The following ARHGAP20 variants were observed in gnomAD, a reference collection of about 807,000 sequenced individuals.
ARHGAP20 encodes the protein rho GTPase-activating protein 20.
A neutral mutation model predicts 73.7 loss-of-function variants in ARHGAP20; 34 were observed. The observed-to-expected ratio is 0.46, with a 90% CI of 0.35 to 0.61. The LOEUF (loss-of-function observed/expected upper bound fraction) is 0.61. ARHGAP20 is among the 20% of genes least tolerant of loss of function. ARHGAP20 has a pLI of 0.00. For synonymous variants in ARHGAP20, 523 were observed against 518.2 expected (o/e 1.01, Z -0.13); for missense variants, 1,314 against 1,420.9 (o/e 0.92, Z 1.21).
intron 1 of ARHGAP20, among the ~76,000 whole-genome samples, chr11:110,709,148 A>G (rs1308934548): frequency 6.6e-6 from 1 of 152,178 alleles, no homozygotes; most frequent in African/African-American, 2.4e-5. Flanking sequence ...TTCATTGTCT[A>G]TGGCTGCTTT....
At chr11:110,655,135 A>T (rs751605418) in intron 2 of ARHGAP20, among the ~76,000 whole-genome samples, 1 of 152,172 alleles carries the variant, frequency 6.6e-6, no homozygotes, top group Non-Finnish European at 1.5e-5. Flanking sequence ...GAAAACATAA[A>T]GGGGATTGGG....
At chr11:110,692,183 G>C (rs764995787) in intron 1 of ARHGAP20, among the ~76,000 whole-genome samples, 1 of 152,068 alleles carries the variant, frequency 6.6e-6, no homozygotes, top group East Asian at 1.9e-4. Flanking sequence ...CCTTAGGCTA[G>C]TGTGACTGCA....
intron 2 of ARHGAP20, among the ~76,000 whole-genome samples, chr11:110,685,039 A>AC (rs1313217545): frequency 6.6e-6 from 1 of 152,020 alleles, no homozygotes; most frequent in Non-Finnish European, 1.5e-5. Context: ...ACGCACATGT[A>AC]CCCCCCTGAA....
At chr11:110,641,871 G>C (rs1272359827) in intron 2 of ARHGAP20, among the ~76,000 whole-genome samples, 1 of 152,008 alleles carries the variant, frequency 6.6e-6, no homozygotes, top group African/African-American at 2.4e-5. Flanking sequence ...TATCCACTAA[G>C]TAAAATTCGT....
chr11:110,592,082 G>C lies in ARHGAP20; in HGVS notation c.1038C>G (p.His346Gln), dbSNP rs1565426565. The C allele has an allele frequency of 6.2e-7, 1 of 1,614,036 alleles. No individual in the cohort carries two copies. The highest frequency in any genetic ancestry group is 1.3e-5 in the African/African-American group (1 of 74,928). Residue 346 changes from histidine (H) to glutamine (Q), a missense_variant, in exon 10 of 15, where the codon CAC becomes CAG. Around this residue, in one of 3 missense-constraint regions of ARHGAP20, gnomAD observed 443 missense variants for 466.4 expected, o/e 0.95. Transcript: ENST00000683387. ...TTGGCGATGAGGGCAAGTTGTCCAG[G>C]TGAGTGCTAGAACCTCGCCAGAAGG... is the stretch of plus-strand genomic sequence containing the variant. ...NWAFWRGSST[H>Q]LDNLPSSPTS...
rs368151143 is a variant in ARHGAP20 at position 110,654,476 on chromosome 11, T to G, written c.189-23684A>C. The stretch of plus-strand genomic sequence containing the variant: ...ATTTTACTTAAAGTCTTTAAAATTT[T>G]AGTAATAATGAAATACTTATAAGTA... On this transcript the variant is annotated intron_variant, in intron 2 of 14. Transcript: ENST00000683387. Among the ~76,000 whole-genome samples the G allele has an allele frequency of 2.0e-5, 3 of 152,348 alleles. No homozygotes were observed. The South Asian group carries it at 6.2e-4, about 32-fold the overall frequency.
At chr11:110,674,345 G>A (rs565289222) in intron 2 of ARHGAP20, among the ~76,000 whole-genome samples, 8 of 152,248 alleles carry the variant, frequency 5.3e-5, no homozygotes, top group African/African-American at 1.2e-4. Flanking sequence ...TAAGCACTCC[G>A]TTTAAATTAA....
intron 2 of ARHGAP20, among the ~76,000 whole-genome samples, chr11:110,644,597 T>C (rs368299750): frequency 6.6e-6 from 1 of 152,116 alleles, no homozygotes; most frequent in Non-Finnish European, 1.5e-5. Context: ...TGGCTATCCA[T>C]ATGTAGAATA....
intron 2 of ARHGAP20, among the ~76,000 whole-genome samples, chr11:110,690,179 T>C (rs915945314): frequency 1.3e-5 from 2 of 152,186 alleles, no homozygotes; most frequent in African/African-American, 2.4e-5. Flanking sequence ...AACTGCCTTA[T>C]CCATGCACAG....
At chr11:110,705,557 T>A (rs1443808308) in intron 1 of ARHGAP20, among the ~76,000 whole-genome samples, 1 of 152,168 alleles carries the variant, frequency 6.6e-6, no homozygotes, top group Non-Finnish European at 1.5e-5. Flanking sequence ...ATCCTTAACT[T>A]TTATTTTATA....
intron 2 of ARHGAP20, among the ~76,000 whole-genome samples, chr11:110,649,574 T>C (rs1471704517): frequency 1.3e-5 from 2 of 151,886 alleles, no homozygotes; most frequent in Non-Finnish European, 2.9e-5. Context: ...GGCGGTGAGC[T>C]GGGAAGAAGT....
chr11:110,625,026 A>T (rs12295024), intron 3 of ARHGAP20, among the ~76,000 whole-genome samples: 161 of 112,522 alleles, frequency 1.4e-3, no homozygotes, highest in African/African-American at 3.8e-3. Context: ...TTTTATTTTT[A>T]TTTTTATTTT....
At chr11:110,648,223 A>AAATATATATATG (rs1565457508) in intron 2 of ARHGAP20, among the ~76,000 whole-genome samples, 81 of 38,478 alleles carry the variant, frequency 2.1e-3, no homozygotes, top group African/African-American at 4.2e-3. Flanking sequence ...ATATATATGT[A>AAATATATATATG]TATATATATA....
chr11:110,647,748 T>C (rs914631180), intron 2 of ARHGAP20, among the ~76,000 whole-genome samples: 4 of 152,076 alleles, frequency 2.6e-5, no homozygotes, highest in Non-Finnish European at 4.4e-5. Flanking sequence ...TAGAGCTATT[T>C]GCAAAGCTCT....
Position 110,577,878 on chromosome 11 carries a change from A to C in ARHGAP20, c.*1492T>G. 2 of 985,780 alleles carry C rather than the reference A, an allele frequency of 2.0e-6. No homozygotes were observed. The highest frequency in any genetic ancestry group is 2.4e-6 in the Non-Finnish European group (2 of 829,840). 61.1% of individuals were successfully genotyped at this position (985,780 alleles called of 1,614,324 possible). A position where few individuals can be genotyped will look rare whatever the true frequency, so the allele number is the denominator to read the frequency against. Reference sequence around the variant, plus strand: ...ACTGAAAATGCAACCTTTAGAACAAAAAAGAAAGAACATTTGATATGACCA... The same window carrying C: ...ACTGAAAATGCAACCTTTAGAACAACAAAGAAAGAACATTTGATATGACCA... On this transcript the variant is annotated 3_prime_UTR_variant, in exon 15 of 15. Transcript: ENST00000683387.
intron 1 of ARHGAP20, among the ~76,000 whole-genome samples, chr11:110,708,623 A>G (rs1950592219): frequency 6.6e-6 from 1 of 152,192 alleles, no homozygotes; most frequent in African/African-American, 2.4e-5. Context: ...GAAACAAGCC[A>G]GACAAAAAAA....
intron 6 of ARHGAP20, among the ~76,000 whole-genome samples, chr11:110,614,334 T>C (rs933655489): frequency 6.6e-6 from 1 of 152,228 alleles, no homozygotes; most frequent in Non-Finnish European, 1.5e-5. Context: ...CCGTAGTTCA[T>C]ATGAATTTCT....
At chr11:110,634,591 T>C (rs1565450281) in intron 2 of ARHGAP20, among the ~76,000 whole-genome samples, 1 of 152,082 alleles carries the variant, frequency 6.6e-6, no homozygotes, top group South Asian at 2.1e-4. Context: ...TTGGGTGGAG[T>C]GCTAATCCAA....
intron 2 of ARHGAP20, among the ~76,000 whole-genome samples, chr11:110,635,522 T>C (rs981038098): frequency 2.6e-5 from 4 of 152,154 alleles, no homozygotes; most frequent in African/African-American, 9.7e-5. Flanking sequence ...ATAGTTCTAC[T>C]TCAGCTAAGT....
Sources: allele counts gnomAD v4.1 joint callset (sites outside exome capture counted in the v4.1 genomes callset), GRCh38; gene constraint gnomAD v4.1.1; regional missense constraint gnomAD v4.1.1; transcripts MANE v1.5; gene names NCBI Gene and HGNC (gene_info 2026-07-23, HGNC 2026-07-21).